The following LOC128125817 variants were observed in gnomAD, a reference collection of about 807,000 sequenced individuals.
At chr1:41,615,815 CTTTTTTTTTTTTTTTTT>C in the LOC128125817 span, among the ~76,000 whole-genome samples, 81 of 47,030 alleles carry the variant, frequency 1.7e-3, 1 homozygote, top group African/African-American at 6.9e-3. Flanking sequence ...TTTGACAAGT[CTTTTTTTTTTTTTTTTT>C]TTTTTTTTTT....
the LOC128125817 span, among the ~76,000 whole-genome samples, chr1:41,586,691 A>G: frequency 6.6e-6 from 1 of 152,292 alleles, no homozygotes; most frequent in South Asian, 2.1e-4. Context: ...TTTAAGACTC[A>G]AATAATTGTC....
chr1:41,601,311 G>T, the LOC128125817 span, among the ~76,000 whole-genome samples: 1 of 152,036 alleles, frequency 6.6e-6, no homozygotes, highest in Non-Finnish European at 1.5e-5. Flanking sequence ...TTTTTATGGG[G>T]GTTTCATTGA....
chr1:41,605,369 ACACGCG>A, the LOC128125817 span, among the ~76,000 whole-genome samples: 1,680 of 114,488 alleles, frequency 0.015, 27 homozygotes, highest in African/African-American at 0.048. Flanking sequence ...ACACACACGC[ACACGCG>A]CACACACACA....
At chr1:41,588,576 A>G in the LOC128125817 span, among the ~76,000 whole-genome samples, 42,229 of 152,002 alleles carry the variant, frequency 0.28, 7,210 homozygotes, top group Non-Finnish European at 0.39. Flanking sequence ...GCATCATCAG[A>G]TGACTACAGG....
chr1:41,595,441 ATTG>A, the LOC128125817 span, among the ~76,000 whole-genome samples: 21 of 152,074 alleles, frequency 1.4e-4, no homozygotes, highest in East Asian at 3.3e-3. Context: ...GCCTTTACAC[ATTG>A]TTGTTCCTGG....
chr1:41,604,350 GAAC>G, the LOC128125817 span, among the ~76,000 whole-genome samples: 2 of 152,052 alleles, frequency 1.3e-5, no homozygotes, highest in South Asian at 4.1e-4. Context: ...TAATAAAAAA[GAAC>G]AAAGTACTGC....
chr1:41,606,656 CAGG>C, the LOC128125817 span, among the ~76,000 whole-genome samples: 2 of 151,784 alleles, frequency 1.3e-5, no homozygotes, highest in Non-Finnish European at 2.9e-5. Context: ...GAAATAACTC[CAGG>C]AGGTTTTATT....
At chr1:41,628,146 T>C in the LOC128125817 span, among the ~76,000 whole-genome samples, 2 of 152,208 alleles carry the variant, frequency 1.3e-5, no homozygotes, top group African/African-American at 4.8e-5. Context: ...TTGATCACTA[T>C]TTCGGGAGCT....
At chr1:41,618,958 A>G in the LOC128125817 span, among the ~76,000 whole-genome samples, 2 of 152,144 alleles carry the variant, frequency 1.3e-5, no homozygotes, top group East Asian at 1.9e-4. Flanking sequence ...GTGTGACTCT[A>G]TCACCTCCTG....
At chr1:41,591,780 A>T in the LOC128125817 span, among the ~76,000 whole-genome samples, 302 of 152,194 alleles carry the variant, frequency 2.0e-3, 3 homozygotes, top group Non-Finnish European at 3.6e-3. Context: ...TGCCAAATAG[A>T]AGAGTCACAT....
chr1:41,608,519 C>G, the LOC128125817 span, among the ~76,000 whole-genome samples: 9 of 152,210 alleles, frequency 5.9e-5, no homozygotes, highest in Non-Finnish European at 1.0e-4. Flanking sequence ...ACTTGCTCTT[C>G]TGAAGGGCTC....
At chr1:41,609,264 C>T in the LOC128125817 span, among the ~76,000 whole-genome samples, 1 of 152,210 alleles carries the variant, frequency 6.6e-6, no homozygotes, top group Non-Finnish European at 1.5e-5. Flanking sequence ...ATGGTGTCTG[C>T]CCTTAGGGGG....
At chr1:41,619,664 G>A in the LOC128125817 span, among the ~76,000 whole-genome samples, 1 of 152,298 alleles carries the variant, frequency 6.6e-6, no homozygotes, top group African/African-American at 2.4e-5. Flanking sequence ...TAGGAGTGGG[G>A]GAAGGGATGA....
the LOC128125817 span, among the ~76,000 whole-genome samples, chr1:41,589,041 C>T: frequency 6.6e-6 from 1 of 152,224 alleles, no homozygotes; most frequent in Non-Finnish European, 1.5e-5. Flanking sequence ...CTGTGACCAA[C>T]AGACACTAAG....
chr1:41,600,832 T>A, the LOC128125817 span, among the ~76,000 whole-genome samples: 1 of 152,216 alleles, frequency 6.6e-6, no homozygotes, highest in Non-Finnish European at 1.5e-5. Flanking sequence ...AGTTTTCTCC[T>A]ATGTTTTCTT....
the LOC128125817 span, among the ~76,000 whole-genome samples, chr1:41,600,229 A>C: frequency 6.6e-6 from 1 of 152,230 alleles, no homozygotes. Context: ...TATACTCAAA[A>C]GAATTGAAAT....
At chr1:41,587,386 C>A in the LOC128125817 span, among the ~76,000 whole-genome samples, 1 of 152,202 alleles carries the variant, frequency 6.6e-6, no homozygotes. Context: ...AATCTCATTT[C>A]ATTAGATTAC....
the LOC128125817 span, among the ~76,000 whole-genome samples, chr1:41,611,414 C>A: frequency 1.3e-5 from 2 of 152,182 alleles, no homozygotes; most frequent in African/African-American, 2.4e-5. Flanking sequence ...GGGGACAGAG[C>A]GCCATGTGCC....
At chr1:41,620,860 A>T in the LOC128125817 span, among the ~76,000 whole-genome samples, 1 of 152,094 alleles carries the variant, frequency 6.6e-6, no homozygotes, top group Non-Finnish European at 1.5e-5. Flanking sequence ...CTGATCAACC[A>T]CTACTGTGCA....
Sources: allele counts gnomAD v4.1 joint callset (sites outside exome capture counted in the v4.1 genomes callset), GRCh38; gene constraint gnomAD v4.1.1; transcripts MANE v1.5.